The following GJA3 variants were observed in gnomAD, a reference collection of about 807,000 sequenced individuals.
GJA3 encodes gap junction protein alpha 3.
For synonymous variants in GJA3, 297 were observed against 292.6 expected, an observed-to-expected ratio of 1.02 and a Z score of -0.15; for missense variants, 571 against 620.3, an observed-to-expected ratio of 0.92 and a Z score of 0.84.
Position 20,159,150 on chromosome 13 carries a change from TTTA to T in GJA3, c.-18+1737_-18+1739del, listed in dbSNP as rs200021580. Among the ~76,000 whole-genome samples the T allele has an allele frequency of 7.0e-3, 1,070 of 151,928 alleles. 11 individuals are homozygous for T. Among genetic ancestry groups the T allele is most frequent in the African/African-American group, 0.025 (1,032 of 41,446 alleles). ...TTTTCCCTCCTCAATTCAGTAAACA[TTTA>T]TTATTATTATAAAACATTATTACCT... On this transcript the variant is annotated intron_variant, in intron 1 of 1. Coordinates refer to ENST00000241125, the MANE Select transcript of GJA3 (RefSeq NM_021954.4).
chr13:20,144,074 T>G (rs1011662767), intron 1 of GJA3, among the ~76,000 whole-genome samples: 1 of 152,176 alleles, frequency 6.6e-6, no homozygotes, highest in Admixed American at 6.5e-5. Flanking sequence ...GGAGAGGTGT[T>G]AAACAAACTA....
At position 20,142,079 on chromosome 13, in the gene GJA3, T is replaced by A; in HGVS notation, c.1210A>T (p.Met404Leu). The part of the protein sequence containing the change: ...EEQAVTTAAQ[M>L]HQPPLPLGDP... ...CCGAGGGGCAAGGGCGGCTGGTGCA[T>A]CTGGGCCGCGGTGGTCACGGCCTGC... is the stretch of plus-strand genomic sequence containing the variant. The change falls in exon 2 of 2, where the codon ATG becomes TTG. Residue 404 changes from methionine (M) to leucine (L), a missense_variant. Met to Leu is a conservative substitution (Grantham distance 15). Transcript: ENST00000241125. 6.5e-7 allele frequency: 1 copy of A among 1,549,572 alleles called. No homozygotes were observed. Among genetic ancestry groups the A allele is most frequent in the South Asian group, 1.2e-5 (1 of 83,954 alleles).
At position 20,142,696 on chromosome 13, in the gene GJA3, G is replaced by A. The variant is rs1425849074; in HGVS notation, c.593C>T (p.Thr198Met). The change falls in exon 2 of 2, where the codon ACG (threonine) becomes ATG (methionine). Residue 198 changes from threonine to methionine, a missense_variant. Thr to Met is a moderately conservative substitution (Grantham distance 81). Coordinates refer to ENST00000241125, the MANE Select transcript of GJA3 (RefSeq NM_021954.4). ...NTVDCFISRP[T>M]EKTIFIIFML... is the part of the protein sequence containing the mutation. ...GAAGATGATGAAGATGGTCTTCTCC[G>A]TGGGCCTGGAGATGAAGCAGTCCAC... The A allele has an allele frequency of 1.9e-6, 3 of 1,613,912 alleles. No individual in the cohort carries two copies. Among genetic ancestry groups the A allele is most frequent in the East Asian group, 2.2e-5 (1 of 44,872 alleles).
chr13:20,148,787 C>T (rs1254853110), intron 1 of GJA3, among the ~76,000 whole-genome samples: 2 of 152,178 alleles, frequency 1.3e-5, no homozygotes, highest in African/African-American at 2.4e-5. Flanking sequence ...CACGGGGAGG[C>T]CCCCGGTGTG....
chr13:20,138,354 G>A lies in GJA3; in HGVS notation c.*3627C>T, dbSNP rs1310162000. 1 of 152,182 alleles carries A rather than the reference G, an allele frequency of 6.6e-6. No homozygotes were observed. The highest frequency in any genetic ancestry group is 1.5e-5 in the Non-Finnish European group (1 of 68,038). The allele number at this position is 152,182 out of a possible 1,614,324, so 9.4% of individuals were successfully genotyped here. On this transcript the variant is annotated 3_prime_UTR_variant, in exon 2 of 2. Transcript: ENST00000241125. The stretch of plus-strand genomic sequence containing the variant: ...GTTATGGCACAAAAATTAAGTTTTA[G>A]TAAGAGTTTTGTAAATACATGAGCT...
At chr13:20,149,119 C>T (rs958785774) in intron 1 of GJA3, among the ~76,000 whole-genome samples, 5 of 152,166 alleles carry the variant, frequency 3.3e-5, no homozygotes, top group African/African-American at 1.2e-4. Flanking sequence ...TGCATTTTCC[C>T]TCAGACAAAT....
intron 1 of GJA3, among the ~76,000 whole-genome samples, chr13:20,149,310 T>C (rs1419101174): frequency 1.3e-5 from 2 of 151,968 alleles, no homozygotes; most frequent in Admixed American, 6.6e-5. Flanking sequence ...CTGGGCAACA[T>C]AGCGAGACTT....
At chr13:20,156,579 T>A (rs1444278041) in intron 1 of GJA3, among the ~76,000 whole-genome samples, 4 of 152,192 alleles carry the variant, frequency 2.6e-5, no homozygotes, top group Non-Finnish European at 5.9e-5. Context: ...CCCAAAGTGT[T>A]GGGATCATAG....
Position 20,144,911 on chromosome 13 carries a change from T to C in GJA3, c.-17-1606A>G, listed in dbSNP as rs1037188264. Among the ~76,000 whole-genome samples, 9 of 152,252 alleles carry C rather than the reference T, an allele frequency of 5.9e-5. No individual in the cohort carries two copies. The South Asian group carries it at 1.9e-3, about 31-fold the overall frequency. ...TTAAAATATTTCAGGCTGGGCGCGG[T>C]GGCTCACGCCTGTAATCCCAGCACT... On this transcript the variant is annotated intron_variant, in intron 1 of 1. Transcript: ENST00000241125.
chr13:20,142,670 TGAA>T lies in GJA3; in HGVS notation c.616_618del (p.Phe206del). 6.2e-7 allele frequency: 1 copy of T among 1,613,882 alleles called. No individual in the cohort carries two copies. The highest frequency in any genetic ancestry group is 1.6e-4 in the Middle Eastern group (1 of 6,062). On this transcript the variant is annotated inframe_deletion, in exon 2 of 2. Coordinates refer to ENST00000241125, the MANE Select transcript of GJA3 (RefSeq NM_021954.4). ...AGGGACGCGCAGGCCACCGCCAGCA[TGAA>T]GATGATGAAGATGGTCTTCTCCGTG...
chr13:20,151,724 G>C (rs946031384), intron 1 of GJA3, among the ~76,000 whole-genome samples: 3 of 152,128 alleles, frequency 2.0e-5, no homozygotes, highest in Non-Finnish European at 4.4e-5. Flanking sequence ...AGCTGAGGCG[G>C]GGGAGGCAGA....
chr13:20,148,901 C>T (rs1958859972), intron 1 of GJA3, among the ~76,000 whole-genome samples: 1 of 152,238 alleles, frequency 6.6e-6, no homozygotes, highest in African/African-American at 2.4e-5. Flanking sequence ...GGGGGTTACA[C>T]AGCACTGTGT....
At chr13:20,143,459 G>A (rs150021404) in intron 1 of GJA3, among the ~76,000 whole-genome samples, 154 bp from the exon 2 acceptor site, 171 of 152,336 alleles carry the variant, frequency 1.1e-3, no homozygotes, top group African/African-American at 3.4e-3. Context: ...GGACCTGGAC[G>A]AGCAGGCACT....
intron 1 of GJA3, among the ~76,000 whole-genome samples, chr13:20,157,200 G>A (rs528799412): frequency 1.3e-5 from 2 of 152,170 alleles, no homozygotes; most frequent in East Asian, 1.9e-4. Flanking sequence ...CACTTTCTGA[G>A]GGGTGGCTTG....
At chr13:20,143,702 C>CCCCATG (rs1013135281) in intron 1 of GJA3, among the ~76,000 whole-genome samples, 5 of 152,244 alleles carry the variant, frequency 3.3e-5, no homozygotes, top group African/African-American at 9.6e-5. Flanking sequence ...TTGCTGCCAT[C>CCCCATG]CCCATGCCCA....
rs368705133 is a variant in GJA3, at chr13:20,141,876, C to T, written c.*105G>A. ...CCTCCTGGGACTCCAGTCGCTCCCACCTCCTGGGACTTTCAGGTTCTATCT... is the reference window on the plus strand; with the variant it reads ...CCTCCTGGGACTCCAGTCGCTCCCATCTCCTGGGACTTTCAGGTTCTATCT... On this transcript the variant is annotated 3_prime_UTR_variant, in exon 2 of 2. Coordinates refer to ENST00000241125, the MANE Select transcript of GJA3 (RefSeq NM_021954.4). 6.7e-7 allele frequency: 1 copy of T among 1,500,236 alleles called. No individual in the cohort carries two copies. The highest frequency in any genetic ancestry group is 1.4e-5 in the African/African-American group (1 of 71,736). 92.9% of individuals were successfully genotyped at this position (1,500,236 alleles called of 1,614,324 possible). A position where few individuals can be genotyped will look rare whatever the true frequency, so the allele number is the denominator to read the frequency against.
At chr13:20,151,053 G>A (rs968686121) in intron 1 of GJA3, among the ~76,000 whole-genome samples, 1 of 144,638 alleles carries the variant, frequency 6.9e-6, no homozygotes, top group Non-Finnish European at 1.5e-5. Flanking sequence ...CCCAGCAGAG[G>A]TACCCCAGAT....
intron 1 of GJA3, 81 bp from the exon 2 acceptor site, chr13:20,143,386 T>C: frequency 2.1e-6 from 2 of 933,668 alleles, no homozygotes; most frequent in South Asian, 1.8e-5. Context: ...GGCAGCGGCC[T>C]GGATGGTACT....
intron 1 of GJA3, among the ~76,000 whole-genome samples, chr13:20,160,211 A>T (rs1958929090): frequency 6.6e-6 from 1 of 152,196 alleles, no homozygotes; most frequent in African/African-American, 2.4e-5. Context: ...GGGCTCGGAC[A>T]GTGCTTTTCC....
Sources: allele counts gnomAD v4.1 joint callset (sites outside exome capture counted in the v4.1 genomes callset), GRCh38; gene constraint gnomAD v4.1.1; transcripts MANE v1.5; gene names NCBI Gene and HGNC (gene_info 2026-07-23, HGNC 2026-07-21).